CCDC60: variants seen among roughly 807,000 people sequenced by gnomAD.
The protein encoded by CCDC60 is coiled-coil domain containing 60.
In CCDC60, 54 loss-of-function variants were observed where a neutral mutation model predicts 63.5. The observed-to-expected ratio is 0.85, with a 90% CI of 0.68 to 1.07. CCDC60 has a LOEUF of 1.07. CCDC60 is among the 50% of genes least tolerant of loss of function. The pLI is 0.00. For missense variants in CCDC60, 651 were observed against 684.3 expected, an observed-to-expected ratio of 0.95 and a Z score of 0.54; for synonymous variants, 206 against 238.8, an observed-to-expected ratio of 0.86 and a Z score of 1.27.
chr12:119,433,557 A>C (rs888775155), intron 2 of CCDC60: 23 of 702,268 alleles, frequency 3.3e-5, no homozygotes, highest in Non-Finnish European at 4.9e-5. Flanking sequence ...CATGTTTTCC[A>C]AGGGAAGTCA....
At chr12:119,506,056 T>C (rs1386628375) in intron 7 of CCDC60, among the ~76,000 whole-genome samples, 1 of 152,176 alleles carries the variant, frequency 6.6e-6, no homozygotes, top group Admixed American at 6.5e-5. Context: ...AAATGTGCAA[T>C]TCAGTGATTT....
chr12:119,443,952 TAC>T (rs1950492814), intron 2 of CCDC60, among the ~76,000 whole-genome samples: 1 of 152,182 alleles, frequency 6.6e-6, no homozygotes, highest in Admixed American at 6.5e-5. Flanking sequence ...ACATAAGTGT[TAC>T]ACACAGGCAC....
intron 1 of CCDC60, among the ~76,000 whole-genome samples, chr12:119,375,706 A>G (rs973091499): frequency 2.6e-5 from 4 of 152,254 alleles, no homozygotes; most frequent in African/African-American, 9.6e-5. Context: ...TGACAAAGAC[A>G]GTTTTCAGCA....
chr12:119,539,009 A>C (rs554747714), intron 13 of CCDC60, among the ~76,000 whole-genome samples: 2 of 152,312 alleles, frequency 1.3e-5, no homozygotes, highest in East Asian at 3.9e-4. Flanking sequence ...TTTCCTGGGT[A>C]TCACCAGTGG....
At chr12:119,350,900 C>T (rs1023354328) in intron 1 of CCDC60, among the ~76,000 whole-genome samples, 1 of 152,188 alleles carries the variant, frequency 6.6e-6, no homozygotes, top group Admixed American at 6.5e-5. Flanking sequence ...CCAGGTTTCA[C>T]ACACCCCTGA....
rs1432611448 is a variant in CCDC60, at chr12:119,456,009, AAG to A, written c.171-15983_171-15982del. Reference sequence around the variant, plus strand: ...AGAAAGAGAGAGAGAAAGAGAAAGAAAGAAAGAAAGAAAGAAAGAAAGAAAGA... The same window carrying A: ...AGAAAGAGAGAGAGAAAGAGAAAGAAAAAGAAAGAAAGAAAGAAAGAAAGA... On this transcript the variant is annotated intron_variant, in intron 2 of 13. Transcript: ENST00000327554. This position sits in a 1 kb window ranked among gnomAD's most constrained non-coding sequence, Gnocchi z 4.6. 7.6e-3 allele frequency among the ~76,000 whole-genome samples: 481 copies of A among 63,254 alleles called. 20 individuals carry two copies. The highest frequency in any genetic ancestry group is 0.03 in the African/African-American group (422 of 13,856). The allele number at this position is 63,254 out of a possible 152,430, so 41.5% of individuals were successfully genotyped here. A position where few individuals can be genotyped will look rare whatever the true frequency, so the allele number is the denominator to read the frequency against.
At chr12:119,440,512 AGAGT>A (rs1389023434) in intron 2 of CCDC60, among the ~76,000 whole-genome samples, 1 of 152,226 alleles carries the variant, frequency 6.6e-6, no homozygotes, top group African/African-American at 2.4e-5. Context: ...CCTGGGTGAC[AGAGT>A]GAGACTCCAT....
At chr12:119,455,955 AAGG>A (rs1950726391) in intron 2 of CCDC60, among the ~76,000 whole-genome samples, 1 of 131,228 alleles carries the variant, frequency 7.6e-6, no homozygotes, top group Non-Finnish European at 1.6e-5. Flanking sequence ...GAAAGGAAGG[AAGG>A]AGGGAGGGGA....
intron 1 of CCDC60, among the ~76,000 whole-genome samples, chr12:119,391,741 T>G (rs1337767514): frequency 6.6e-6 from 1 of 152,196 alleles, no homozygotes; most frequent in Non-Finnish European, 1.5e-5. Context: ...TAAAAGAATT[T>G]TGTTGTGTAG....
At chr12:119,367,242 A>G (rs963282983) in intron 1 of CCDC60, among the ~76,000 whole-genome samples, 1 of 152,176 alleles carries the variant, frequency 6.6e-6, no homozygotes, top group Admixed American at 6.5e-5. Context: ...TATTTCCTGC[A>G]TTTTACAGCC....
chr12:119,428,927 G>C (rs998917671), intron 2 of CCDC60, 165 bp downstream of exon 2: 5 of 508,268 alleles, frequency 9.8e-6, no homozygotes, highest in Admixed American at 3.3e-5. Context: ...GGGCAGGATC[G>C]CTTTCTCAGC....
intron 7 of CCDC60, among the ~76,000 whole-genome samples, chr12:119,514,601 G>T (rs972879672): frequency 2.0e-5 from 3 of 152,068 alleles, no homozygotes; most frequent in African/African-American, 7.2e-5. Flanking sequence ...CAATGTGTTT[G>T]TTTTATGCTA....
At chr12:119,442,542 C>T (rs1950468439) in intron 2 of CCDC60, among the ~76,000 whole-genome samples, 1 of 152,160 alleles carries the variant, frequency 6.6e-6, no homozygotes, top group African/African-American at 2.4e-5. Flanking sequence ...GCATTATCCT[C>T]TCTCTCATTA....
intron 4 of CCDC60, among the ~76,000 whole-genome samples, chr12:119,488,238 A>G (rs1278905447): frequency 6.6e-6 from 1 of 152,226 alleles, no homozygotes; most frequent in African/African-American, 2.4e-5. Context: ...AATGCATCCC[A>G]TTTTTAATCT....
At chr12:119,539,512 T>G (rs1285332489) in intron 13 of CCDC60, among the ~76,000 whole-genome samples, 1 of 152,168 alleles carries the variant, frequency 6.6e-6, no homozygotes, top group South Asian at 2.1e-4. Context: ...CAAACCTCCA[T>G]AATGGCGGAC....
chr12:119,408,024 A>T (rs1346422140), intron 1 of CCDC60, among the ~76,000 whole-genome samples: 4 of 152,148 alleles, frequency 2.6e-5, no homozygotes, highest in South Asian at 2.1e-4. Flanking sequence ...GGTTTTTTTT[A>T]AATGCATATG....
At chr12:119,348,706 G>A (rs554357859) in intron 1 of CCDC60, among the ~76,000 whole-genome samples, 8 of 152,250 alleles carry the variant, frequency 5.3e-5, no homozygotes, top group African/African-American at 1.9e-4. Context: ...GATGTTTTAT[G>A]TGCATCCCAG....
intron 7 of CCDC60, among the ~76,000 whole-genome samples, chr12:119,509,102 C>T (rs576104707): frequency 2.0e-5 from 3 of 152,186 alleles, no homozygotes; most frequent in South Asian, 2.1e-4. Context: ...CTCACCTGCT[C>T]TGATCAGTGC....
intron 1 of CCDC60, 69 bp from the exon 2 acceptor site, chr12:119,428,614 T>C: frequency 9.4e-7 from 1 of 1,068,600 alleles, no homozygotes; most frequent in South Asian, 1.4e-5. Flanking sequence ...ATGAGCCTCC[T>C]GTGCCTATCT....
Sources: gnomAD v4.1 joint callset for allele counts (sites outside exome capture counted in the v4.1 genomes callset) on GRCh38, gnomAD v4.1.1 for gene constraint, Gnocchi (gnomAD v3.1) non-coding constraint, MANE v1.5 for transcripts, NCBI Gene and HGNC (gene_info 2026-07-23, HGNC 2026-07-21) for gene names.